CUL4A: variants seen among roughly 807,000 people sequenced by gnomAD.
CUL4A encodes cullin-4A.
In CUL4A, 16 loss-of-function variants were observed where a neutral mutation model predicts 95.5. The observed-to-expected ratio is 0.17, with a 90% CI of 0.11 to 0.25. CUL4A has a LOEUF of 0.25. CUL4A is among the 10% of genes least tolerant of loss of function. The pLI, the probability that CUL4A is intolerant of heterozygous loss-of-function variation, is 1.00. For synonymous variants in CUL4A, 380 were observed against 353.1 expected (o/e 1.08, Z -0.85); for missense variants, 610 against 937.0 (o/e 0.65, Z 4.56).
At chr13:113,215,193 ATGGAGGTCTGTGTGGGAGT>A (rs2040606229) in intron 2 of CUL4A, among the ~76,000 whole-genome samples, 1 of 78,476 alleles carries the variant, frequency 1.3e-5, no homozygotes, top group Admixed American at 1.5e-4. Context: ...CCGTGTGGCT[ATGGAGGTCTGTGTGGGAGT>A]ATGGAGGTCA....
intron 10 of CUL4A, among the ~76,000 whole-genome samples, chr13:113,240,733 A>G (rs1245089808): frequency 6.6e-6 from 1 of 152,114 alleles, no homozygotes; most frequent in Non-Finnish European, 1.5e-5. Flanking sequence ...TGTGGTTATA[A>G]AAGGCCCCAG....
intron 2 of CUL4A, 26 bp downstream of exon 2, chr13:113,210,114 C>G (rs1465415357): frequency 5.8e-5 from 83 of 1,434,494 alleles, no homozygotes; most frequent in Non-Finnish European, 7.5e-5. Flanking sequence ...GGGCTGGGGA[C>G]GCCGCTCCTG....
chr13:113,246,511 G>A (rs1384751894), intron 15 of CUL4A, among the ~76,000 whole-genome samples: 3 of 152,204 alleles, frequency 2.0e-5, no homozygotes, highest in Non-Finnish European at 4.4e-5. Context: ...AACATCAGCA[G>A]GAGATACAAT....
intron 3 of CUL4A, among the ~76,000 whole-genome samples, chr13:113,224,659 A>G (rs920086294): frequency 6.6e-6 from 1 of 152,224 alleles, no homozygotes; most frequent in Non-Finnish European, 1.5e-5. Flanking sequence ...GCCTGTTCTC[A>G]CTTGACCAGA....
At chr13:113,216,053 G>A (rs1336865264) in intron 2 of CUL4A, among the ~76,000 whole-genome samples, 2 of 149,768 alleles carry the variant, frequency 1.3e-5, no homozygotes, top group African/African-American at 5.0e-5. Flanking sequence ...TCTCGTCCAC[G>A]TGGCTGTGGA....
At chr13:113,211,081 A>G (rs975988130) in intron 2 of CUL4A, among the ~76,000 whole-genome samples, 3 of 152,230 alleles carry the variant, frequency 2.0e-5, no homozygotes, top group African/African-American at 4.8e-5. Context: ...GAATGGTAGA[A>G]TATTGCTACC....
At chr13:113,228,964 CAA>C (rs757684769) in intron 4 of CUL4A, among the ~76,000 whole-genome samples, 3 of 133,936 alleles carry the variant, frequency 2.2e-5, no homozygotes, top group East Asian at 2.1e-4. Flanking sequence ...ACTGAAAATA[CAA>C]AAAAAAAAAA....
intron 2 of CUL4A, among the ~76,000 whole-genome samples, chr13:113,215,346 G>T (rs1458309682): frequency 6.7e-6 from 1 of 148,684 alleles, no homozygotes; most frequent in Admixed American, 6.7e-5. Flanking sequence ...GGCTGTGGAG[G>T]TCTCTGTGAC....
intron 2 of CUL4A, among the ~76,000 whole-genome samples, chr13:113,212,911 GTTGTGAAA>G (rs2040504341): frequency 6.6e-6 from 1 of 152,196 alleles, no homozygotes; most frequent in South Asian, 2.1e-4. Flanking sequence ...GGAGGAGTGA[GTTGTGAAA>G]TCAGGGTGTG....
At chr13:113,244,543 C>G (rs533709411) in intron 12 of CUL4A, 29 bp downstream of exon 12, 1 of 1,533,458 alleles carries the variant, frequency 6.5e-7, no homozygotes, top group African/African-American at 1.4e-5. Flanking sequence ...GAAAATGCTG[C>G]ATAATCAAGA....
At chr13:113,226,956 G>T (rs1167184129) in intron 3 of CUL4A, among the ~76,000 whole-genome samples, 14 of 152,162 alleles carry the variant, frequency 9.2e-5, no homozygotes, top group Admixed American at 8.5e-4. Flanking sequence ...TTTGTGAAGT[G>T]GGGCCTTTTG....
chr13:113,230,013 C>G, intron 5 of CUL4A: 1 of 250,708 alleles, frequency 4.0e-6, no homozygotes, highest in Non-Finnish European at 7.6e-6. Context: ...CAGCAGCGTT[C>G]GCGGCCACGG....
Position 113,239,642 on chromosome 13 carries a change from G to C in CUL4A, c.1035+91G>C. 3 of 920,128 alleles carry C rather than the reference G, an allele frequency of 3.3e-6. No individual in the cohort carries two copies. In the East Asian group the frequency reaches 7.7e-5, roughly 24 times the overall value. The allele number at this position is 920,128 out of a possible 1,614,324, so 57.0% of individuals were successfully genotyped here. A position where few individuals can be genotyped will look rare whatever the true frequency, so the allele number is the denominator to read the frequency against. ...AACGCCTAGTGTGCCCTGGCAAAGGGAACTGGGCTGCTGGAGGGCCCGTCT... is the reference window on the plus strand; with the variant it reads ...AACGCCTAGTGTGCCCTGGCAAAGGCAACTGGGCTGCTGGAGGGCCCGTCT... On this transcript the variant is annotated intron_variant, in intron 10 of 19. Transcript: ENST00000375440.
intron 15 of CUL4A, among the ~76,000 whole-genome samples, chr13:113,248,590 A>T (rs1451418034): frequency 6.6e-6 from 1 of 152,176 alleles, no homozygotes; most frequent in East Asian, 1.9e-4. Flanking sequence ...CGTGTGGTTC[A>T]GTAACATCCA....
chr13:113,227,675 G>A (rs566357169), intron 3 of CUL4A, among the ~76,000 whole-genome samples: 2 of 152,202 alleles, frequency 1.3e-5, no homozygotes, highest in Non-Finnish European at 2.9e-5. Context: ...GGAGGCTGAG[G>A]CCAGTGGATC....
intron 3 of CUL4A, 35 bp from the exon 4 acceptor site, chr13:113,227,941 C>T: frequency 7.2e-7 from 1 of 1,379,572 alleles, no homozygotes; most frequent in Non-Finnish European, 1.0e-6. Context: ...TTAAATTGGC[C>T]AGCATTTTTA....
intron 10 of CUL4A, among the ~76,000 whole-genome samples, chr13:113,240,069 G>C (rs571125017): frequency 1.3e-5 from 2 of 152,194 alleles, no homozygotes; most frequent in African/African-American, 4.8e-5. Context: ...CCAACCCGTC[G>C]TAGAGTGGCT....
chr13:113,237,744 C>A (rs1429912932), intron 9 of CUL4A, among the ~76,000 whole-genome samples: 1 of 152,078 alleles, frequency 6.6e-6, no homozygotes, highest in Non-Finnish European at 1.5e-5. Context: ...TTTGAGAAGG[C>A]CCTAAATGGT....
In CUL4A at chr13:113,233,193, C is replaced by T; in HGVS notation, c.529C>T (p.Leu177=). The change falls in exon 6 of 20, where the codon CTG becomes TTG. Residue 177 remains leucine, a synonymous_variant. Transcript: ENST00000375440. ...TCTATACAGGGATATGGGATTAGAA[C>T]TGTTTAGAACCCATATTATTAGTGA... ...LPSIWDMGLE[L]FRTHIISDKM... 3 of 1,614,016 alleles carry T rather than the reference C, an allele frequency of 1.9e-6. No homozygotes were observed. In the South Asian group the frequency reaches 3.3e-5, roughly 18 times the overall value.
Sources: allele counts gnomAD v4.1 joint callset (sites outside exome capture counted in the v4.1 genomes callset), GRCh38; gene constraint gnomAD v4.1.1; transcripts MANE v1.5; gene names NCBI Gene and HGNC (gene_info 2026-07-23, HGNC 2026-07-21).